The following KLHL29 variants were observed in gnomAD, a reference collection of about 807,000 sequenced individuals.
KLHL29 encodes the protein kelch like family member 29.
KLHL29 carries 21 observed loss-of-function variants against 80.4 expected under a neutral mutation model. The observed-to-expected ratio is 0.26, with a 90% CI of 0.19 to 0.38. The LOEUF is 0.38. Ranked by LOEUF, KLHL29 falls within the 10% of genes least tolerant of loss-of-function variation. The pLI, the probability that KLHL29 is intolerant of heterozygous loss-of-function variation, is 1.00. For synonymous variants in KLHL29, 511 were observed against 526.8 expected, an observed-to-expected ratio of 0.97 and a Z score of 0.41; for missense variants, 867 against 1,223.9, an observed-to-expected ratio of 0.71 and a Z score of 4.35.
At chr2:23,400,159 G>T (rs927835358) in intron 1 of KLHL29, among the ~76,000 whole-genome samples, 3 of 152,178 alleles carry the variant, frequency 2.0e-5, no homozygotes, top group Non-Finnish European at 4.4e-5. Flanking sequence ...TCCCTGAGCT[G>T]TGATAGCTGC....
intron 1 of KLHL29, among the ~76,000 whole-genome samples, chr2:23,391,976 C>T (rs111744816): frequency 0.025 from 3,782 of 152,274 alleles, 166 homozygotes; most frequent in African/African-American, 0.085. Flanking sequence ...TTCCTGTCCA[C>T]GTTGAAGTCC....
intron 4 of KLHL29, among the ~76,000 whole-genome samples, chr2:23,640,851 C>G (rs1193191189): frequency 6.6e-6 from 1 of 152,204 alleles, no homozygotes; most frequent in African/African-American, 2.4e-5. Context: ...GACTCCGAGC[C>G]TTGCTCCTCA....
At chr2:23,594,940 C>T (rs1369273388) in intron 3 of KLHL29, among the ~76,000 whole-genome samples, 1 of 152,192 alleles carries the variant, frequency 6.6e-6, no homozygotes, top group African/African-American at 2.4e-5. Context: ...TCCTACAAAG[C>T]AGGATAGCTG....
At chr2:23,556,583 T>C (rs550839096) in intron 2 of KLHL29, among the ~76,000 whole-genome samples, 3 of 150,426 alleles carry the variant, frequency 2.0e-5, no homozygotes, top group African/African-American at 7.3e-5. Context: ...AACCTGGGAG[T>C]TGGAGGTTGC....
chr2:23,444,537 G>C (rs1334305700), intron 1 of KLHL29, among the ~76,000 whole-genome samples: 1 of 152,074 alleles, frequency 6.6e-6, no homozygotes, highest in East Asian at 1.9e-4. Flanking sequence ...TGTTGACCAG[G>C]CTGGGCTCAA....
Position 23,596,060 on chromosome 2 carries a change from T to G in KLHL29, c.285+33579T>G, listed in dbSNP as rs1287164915. ...ATTGGGTCCACATTTGCTGCCAGCATAGCCTCTGGAATGCACGGCCTGCTT... is the reference window on the plus strand; with the variant it reads ...ATTGGGTCCACATTTGCTGCCAGCAGAGCCTCTGGAATGCACGGCCTGCTT... On this transcript the variant is annotated intron_variant, in intron 3 of 13. Transcript: ENST00000486442. The surrounding 1 kb of genome is among the most constrained non-coding windows in gnomAD (Gnocchi z 4.4). Among the ~76,000 whole-genome samples, 4 of 152,192 alleles carry G rather than the reference T, an allele frequency of 2.6e-5. No homozygotes were observed. Among genetic ancestry groups the G allele is most frequent in the Non-Finnish European group, 5.9e-5 (4 of 68,028 alleles).
intron 3 of KLHL29, among the ~76,000 whole-genome samples, chr2:23,591,925 C>T (rs1216149473): frequency 6.6e-6 from 1 of 152,250 alleles, no homozygotes; most frequent in African/African-American, 2.4e-5. Context: ...GAAACCTGGT[C>T]CTAACCATCT....
chr2:23,648,240 A>C (rs895192506), intron 5 of KLHL29, among the ~76,000 whole-genome samples: 1 of 152,026 alleles, frequency 6.6e-6, no homozygotes, highest in Admixed American at 6.6e-5. Flanking sequence ...CAGTTTCCTC[A>C]TCTATAAAAG....
chr2:23,520,316 C>T (rs1015240753), intron 2 of KLHL29, among the ~76,000 whole-genome samples: 1 of 152,206 alleles, frequency 6.6e-6, no homozygotes, highest in Non-Finnish European at 1.5e-5. Flanking sequence ...ATACCTAAGC[C>T]TTCCAGGGCC....
intron 2 of KLHL29, among the ~76,000 whole-genome samples, chr2:23,525,313 A>T (rs1666269034): frequency 6.6e-6 from 1 of 152,246 alleles, no homozygotes; most frequent in African/African-American, 2.4e-5. Context: ...AGGGCAGAGG[A>T]CACTTCTGGG....
chr2:23,668,794 A>T (rs1670626808), intron 5 of KLHL29: 1 of 151,218 alleles, frequency 6.6e-6, no homozygotes, highest in African/African-American at 2.4e-5. Context: ...TCAGAGGTGC[A>T]TGGTCCCCAC....
At chr2:23,461,731 G>T (rs1362767092) in intron 1 of KLHL29, among the ~76,000 whole-genome samples, 2 of 151,814 alleles carry the variant, frequency 1.3e-5, no homozygotes, top group Admixed American at 6.6e-5. Context: ...GGGGGGGCAG[G>T]GGGGCGGGAA....
chr2:23,645,158 T>G (rs1390701623), intron 5 of KLHL29, among the ~76,000 whole-genome samples: 1 of 152,228 alleles, frequency 6.6e-6, no homozygotes, highest in African/African-American at 2.4e-5. Flanking sequence ...ATTTCTAATC[T>G]TAAAAGCCTT....
intron 2 of KLHL29, among the ~76,000 whole-genome samples, chr2:23,486,412 C>T (rs934700570): frequency 6.6e-6 from 1 of 151,712 alleles, no homozygotes. Flanking sequence ...CATGTCCGTG[C>T]CCCTCTTTGG....
chr2:23,400,352 A>T (rs1666569666), intron 1 of KLHL29, among the ~76,000 whole-genome samples: 1 of 152,186 alleles, frequency 6.6e-6, no homozygotes, highest in Admixed American at 6.5e-5. Context: ...CTTTAGCCAC[A>T]TTAAAGCCAT....
intron 3 of KLHL29, among the ~76,000 whole-genome samples, chr2:23,619,187 A>T (rs1362617894): frequency 6.6e-6 from 1 of 152,256 alleles, no homozygotes; most frequent in Non-Finnish European, 1.5e-5. Flanking sequence ...GGTAAAGGAA[A>T]GCATACATGA....
chr2:23,639,310 C>G (rs2149156362), intron 4 of KLHL29, 30 bp downstream of exon 4: 3 of 1,541,640 alleles, frequency 1.9e-6, no homozygotes, highest in Middle Eastern at 3.4e-4. Flanking sequence ...ATAGAAACGA[C>G]TGAGCCCAGG....
intron 3 of KLHL29, among the ~76,000 whole-genome samples, chr2:23,603,772 C>A (rs1212833384): frequency 6.6e-6 from 1 of 152,172 alleles, no homozygotes; most frequent in African/African-American, 2.4e-5. Flanking sequence ...CTGGTGGATT[C>A]CATCAGAGGC....
rs1183753354 is a variant in KLHL29 at position 23,695,927 on chromosome 2, G to T, written c.1742-24G>T. The T allele has an allele frequency of 1.3e-6, 2 of 1,548,228 alleles. No homozygotes were observed. The highest frequency in any genetic ancestry group is 2.7e-5 in the African/African-American group (2 of 73,062). On this transcript the variant is annotated intron_variant, in intron 9 of 13. Transcript: ENST00000486442. This position sits in a 1 kb window ranked among gnomAD's most constrained non-coding sequence, Gnocchi z 7.6. Reference sequence around the variant, plus strand: ...CCGACAGTCTTAGAGTGTGTCCCAAGGGCGCCCATCCATGTCCCTGCAGGT... The same window carrying T: ...CCGACAGTCTTAGAGTGTGTCCCAATGGCGCCCATCCATGTCCCTGCAGGT...
Sources: gnomAD v4.1 joint callset for allele counts (sites outside exome capture counted in the v4.1 genomes callset) on GRCh38, gnomAD v4.1.1 for gene constraint, Gnocchi (gnomAD v3.1) non-coding constraint, MANE v1.5 for transcripts, NCBI Gene and HGNC (gene_info 2026-07-23, HGNC 2026-07-21) for gene names.